The following GFAP variants were observed in gnomAD, a reference collection of about 807,000 sequenced individuals.
GFAP encodes glial fibrillary acidic protein, also known as intermediate filament protein.
In GFAP, 38 loss-of-function variants were observed where a neutral mutation model predicts 49.3. That is an observed-to-expected ratio of 0.77 (90% confidence interval 0.60 to 1.01). GFAP has a LOEUF of 1.01. Ranked by LOEUF, GFAP falls within the 50% of genes least tolerant of loss-of-function variation. The pLI is 0.00. For missense variants in GFAP, 463 were observed against 579.1 expected, an observed-to-expected ratio of 0.80 and a Z score of 2.06; for synonymous variants, 222 against 236.4, an observed-to-expected ratio of 0.94 and a Z score of 0.56.
At position 44,911,783 on chromosome 17, in the gene GFAP, T is replaced by C. The variant is rs1392378578; in HGVS notation, c.795A>G (p.Thr265=). The C allele has an allele frequency of 1.2e-6, 2 of 1,613,548 alleles. No individual in the cohort carries two copies. The highest frequency in any genetic ancestry group is 2.2e-5 in the South Asian group (2 of 91,068). Residue 265 remains threonine, a synonymous_variant, in exon 5 of 9, where the codon ACA becomes ACG. Coordinates refer to ENST00000588735, the MANE Select transcript of GFAP (RefSeq NM_002055.5). ...EWYRSKFADL[T]DAAARNAELL... ...GCTCCGCGTTGCGGGCAGCAGCGTCTGTCAGGTCTGCAAACTAGGTGGGGG... is the reference window on the plus strand; with the variant it reads ...GCTCCGCGTTGCGGGCAGCAGCGTCCGTCAGGTCTGCAAACTAGGTGGGGG...
chr17:44,904,835 C>T lies in GFAP; in HGVS notation c.*2512G>A. The stretch of plus-strand genomic sequence containing the variant: ...CAACCAGCTCCACATCCGCTTCACC[C>T]AGCTGGATGACCGGGGCATCTACTA... On this transcript the variant is annotated 3_prime_UTR_variant, in exon 9 of 9. Transcript: ENST00000588735. 6.4e-7 allele frequency: 1 copy of T among 1,550,706 alleles called. No homozygotes were observed. The highest frequency in any genetic ancestry group is 8.7e-7 in the Non-Finnish European group (1 of 1,147,010).
In GFAP at chr17:44,907,023, A is replaced by T. The variant is rs993126548; in HGVS notation, c.*324T>A. 1.3e-5 allele frequency: 6 copies of T among 454,032 alleles called. No individual in the cohort carries two copies. The highest frequency in any genetic ancestry group is 1.2e-4 in the African/African-American group (6 of 50,464). The allele number at this position is 454,032 out of a possible 1,614,324, so 28.1% of individuals were successfully genotyped here. A position where few individuals can be genotyped will look rare whatever the true frequency, so the allele number is the denominator to read the frequency against. Reference sequence around the variant, plus strand: ...GAATCAGGGATGTGGAGGGCGATGTAGTAGGTGCCCCCCGCCCTCCTCCCC... The same window carrying T: ...GAATCAGGGATGTGGAGGGCGATGTTGTAGGTGCCCCCCGCCCTCCTCCCC... On this transcript the variant is annotated 3_prime_UTR_variant, in exon 9 of 9. Transcript: ENST00000588735.
chr17:44,913,644 C>T, intron 3 of GFAP, 84 bp downstream of exon 3: 1 of 1,140,298 alleles, frequency 8.8e-7, no homozygotes, highest in Admixed American at 1.7e-5. Context: ...GTGTCTCTCT[C>T]AGTCTCAGCT....
rs761338106 is a variant in GFAP, at chr17:44,904,500, G to A, written c.*2847C>T. The A allele has an allele frequency of 7.7e-6, 12 of 1,549,074 alleles. No individual in the cohort carries two copies. The highest frequency in any genetic ancestry group is 3.6e-5 in the South Asian group (3 of 83,966). ...TCAAGGGCTGTGCCAAGGAAGCTGC[G>A]GACCAAGGCCAGGGACCACACGCCT... On this transcript the variant is annotated 3_prime_UTR_variant, in exon 9 of 9. Coordinates refer to ENST00000588735, the MANE Select transcript of GFAP (RefSeq NM_002055.5).
intron 3 of GFAP, 105 bp from the exon 4 acceptor site, chr17:44,913,535 G>T: frequency 1.6e-6 from 2 of 1,266,342 alleles, no homozygotes; most frequent in Non-Finnish European, 2.3e-6. Context: ...CCAGGAGTTC[G>T]AATGCTCTCT....
chr17:44,910,813 T>A lies in GFAP; in HGVS notation c.1128-155A>T, dbSNP rs2051745973. 13 of 1,078,298 alleles carry A rather than the reference T, an allele frequency of 1.2e-5. No homozygotes were observed. In the East Asian group the frequency reaches 3.4e-4, roughly 28 times the overall value. The allele number at this position is 1,078,298 out of a possible 1,614,324, so 66.8% of individuals were successfully genotyped here. A position where few individuals can be genotyped will look rare whatever the true frequency, so the allele number is the denominator to read the frequency against. On this transcript the variant is annotated intron_variant, in intron 6 of 8. Transcript: ENST00000588735. ...GCTTTTTCCCCAGCAGCCAACGTGC[T>A]ATCTGGAGTTCCAAACGTCTGCAAG... is the stretch of plus-strand genomic sequence containing the variant.
chr17:44,908,178 A>C, intron 7 of GFAP, 29 bp from the exon 8 acceptor site: 12 of 1,499,400 alleles, frequency 8.0e-6, no homozygotes, highest in East Asian at 2.3e-5. Flanking sequence ...GAGGCCTCTC[A>C]TGGACTTTCA....
At position 44,904,437 on chromosome 17, in the gene GFAP, G is replaced by A. The variant is rs747035557; in HGVS notation, c.*2910C>T. 9 of 1,540,632 alleles carry A rather than the reference G, an allele frequency of 5.8e-6. No individual in the cohort carries two copies. Among genetic ancestry groups the A allele is most frequent in the East Asian group, 4.9e-5 (2 of 40,710 alleles). ...CTGCAGAGCCCAGACCTCTCCCCAC[G>A]CTACCTCAAGGCCGTGCCCGATGTG... On this transcript the variant is annotated 3_prime_UTR_variant, in exon 9 of 9. Coordinates refer to ENST00000588735, the MANE Select transcript of GFAP (RefSeq NM_002055.5).
chr17:44,904,052 C>A lies in GFAP; in HGVS notation c.*3295G>T. 1 of 1,550,618 alleles carries A rather than the reference C, an allele frequency of 6.4e-7. No individual in the cohort carries two copies. The highest frequency in any genetic ancestry group is 8.7e-7 in the Non-Finnish European group (1 of 1,147,006). On this transcript the variant is annotated 3_prime_UTR_variant, in exon 9 of 9. Coordinates refer to ENST00000588735, the MANE Select transcript of GFAP (RefSeq NM_002055.5). ...CTACCAAAAGCACCTAGGTAGCAGC[C>A]ACACCAAAGTGCTGACGGACTTTGA...
At chr17:44,907,860 C>A in intron 8 of GFAP, 2 of 671,192 alleles carry the variant, frequency 3.0e-6, no homozygotes, top group East Asian at 2.7e-5. Context: ...GCTTTGGTAC[C>A]AAGGCTCCCC....
In GFAP at chr17:44,906,078, A is replaced by T. The variant is rs1338809400; in HGVS notation, c.*1269T>A. 6.6e-6 allele frequency: 1 copy of T among 152,428 alleles called. No homozygotes were observed. Among genetic ancestry groups the T allele is most frequent in the Non-Finnish European group, 1.5e-5 (1 of 68,134 alleles). The allele number at this position is 152,428 out of a possible 1,614,324, so 9.4% of individuals were successfully genotyped here. A position where few individuals can be genotyped will look rare whatever the true frequency, so the allele number is the denominator to read the frequency against. ...TTGGCTTAGGGAAAAGCAGCCGGTC[A>T]CTATGGGGTGGAGAGGGTCAGACGT... On this transcript the variant is annotated 3_prime_UTR_variant, in exon 9 of 9. Transcript: ENST00000588735.
In GFAP at chr17:44,903,202, C is replaced by A; in HGVS notation, c.*4145G>T. The A allele has an allele frequency of 7.9e-7, 1 of 1,264,242 alleles. No individual in the cohort carries two copies. Among genetic ancestry groups the A allele is most frequent in the Non-Finnish European group, 9.9e-7 (1 of 1,006,802 alleles). The allele number at this position is 1,264,242 out of a possible 1,614,324, so 78.3% of individuals were successfully genotyped here. A position where few individuals can be genotyped will look rare whatever the true frequency, so the allele number is the denominator to read the frequency against. Reference sequence around the variant, plus strand: ...ATCTTTATGGTAAACAAACACTGATCTCCACAGCTCTTAACAAGAATGTTT... The same window carrying A: ...ATCTTTATGGTAAACAAACACTGATATCCACAGCTCTTAACAAGAATGTTT... On this transcript the variant is annotated 3_prime_UTR_variant, in exon 9 of 9. Transcript: ENST00000588735.
chr17:44,904,243 G>T lies in GFAP; in HGVS notation c.*3104C>A. On this transcript the variant is annotated 3_prime_UTR_variant, in exon 9 of 9. Coordinates refer to ENST00000588735, the MANE Select transcript of GFAP (RefSeq NM_002055.5). ...GGGACTACTTTTACGCCTACGATGT[G>T]GACATCCAGAACAGTGAGGGAATGG... 2 of 1,550,534 alleles carry T rather than the reference G, an allele frequency of 1.3e-6. No homozygotes were observed. Among genetic ancestry groups the T allele is most frequent in the East Asian group, 4.9e-5 (2 of 40,922 alleles).
chr17:44,908,312 C>G (rs1354477756), intron 7 of GFAP, 163 bp from the exon 8 acceptor site: 6 of 438,230 alleles, frequency 1.4e-5, no homozygotes, highest in Non-Finnish European at 2.5e-5. Flanking sequence ...TGGAGAGCCC[C>G]CAAATCCCAA....
chr17:44,911,623 G>A (rs1475036372), intron 5 of GFAP, 49 bp downstream of exon 5: 1 of 1,602,932 alleles, frequency 6.2e-7, no homozygotes, highest in Admixed American at 1.7e-5. Flanking sequence ...ATCTCCTGGG[G>A]TGGCCGTCCC....
intron 8 of GFAP, chr17:44,907,641 G>A (rs375190347): frequency 5.5e-5 from 33 of 595,708 alleles, no homozygotes; most frequent in Middle Eastern, 4.4e-4. Context: ...TTGGAGTGGC[G>A]TGGCGGATAC....
intron 7 of GFAP, chr17:44,909,253 T>A (rs2051705624): frequency 6.6e-6 from 1 of 152,014 alleles, no homozygotes; most frequent in South Asian, 2.1e-4. Context: ...AGTTTCCTCA[T>A]CTGTAAAATA....
At position 44,911,785 on chromosome 17, in the gene GFAP, T is replaced by C. The variant is rs758250219; in HGVS notation, c.793A>G (p.Thr265Ala). The C allele has an allele frequency of 3.1e-6, 5 of 1,613,396 alleles. No homozygotes were observed. The highest frequency in any genetic ancestry group is 4.2e-6 in the Non-Finnish European group (5 of 1,179,896). Reference protein sequence around the residue: ...EWYRSKFADLTDAAARNAELL... With the variant: ...EWYRSKFADLADAAARNAELL... ...TCCGCGTTGCGGGCAGCAGCGTCTG[T>C]CAGGTCTGCAAACTAGGTGGGGGAC... Residue 265 changes from threonine (T) to alanine (A), a missense_variant, in exon 5 of 9, where the codon ACA (threonine) becomes GCA (alanine). By Grantham distance (58) the Thr-to-Ala change is moderately conservative. This residue lies in a region of GFAP where 362 missense variants were observed against 445.5 expected (regional missense o/e 0.81). Coordinates refer to ENST00000588735, the MANE Select transcript of GFAP (RefSeq NM_002055.5).
At position 44,904,752 on chromosome 17, in the gene GFAP, A is replaced by G. The variant is rs2051625974; in HGVS notation, c.*2595T>C. ...TGGGACAAAGACCGCCAGCACCTCTACCGCACACAGTACCTGAAGGGTGTC... is the reference window on the plus strand; with the variant it reads ...TGGGACAAAGACCGCCAGCACCTCTGCCGCACACAGTACCTGAAGGGTGTC... On this transcript the variant is annotated 3_prime_UTR_variant, in exon 9 of 9. Transcript: ENST00000588735. 1.3e-6 allele frequency: 2 copies of G among 1,550,474 alleles called. No individual in the cohort carries two copies. Among genetic ancestry groups the G allele is most frequent in the African/African-American group, 1.4e-5 (1 of 73,024 alleles).
Sources: allele counts gnomAD v4.1 joint callset, GRCh38; gene constraint gnomAD v4.1.1; regional missense constraint gnomAD v4.1.1; transcripts MANE v1.5; gene names NCBI Gene and HGNC (gene_info 2026-07-23, HGNC 2026-07-21).